Variants in RAPGEF1 observed in about 807,000 individuals in gnomAD.
RAPGEF1 encodes the protein Rap guanine nucleotide exchange factor 1, also known as CRK SH3-binding GNRP.
Under a neutral mutation model 143.3 loss-of-function variants are expected in RAPGEF1, and 33 were observed. The ratio of observed to expected loss-of-function variants is 0.23; its 90% confidence interval spans 0.17 to 0.31. The LOEUF is 0.31. Among genes scored for constraint, RAPGEF1 ranks in the 10% least tolerant of loss-of-function variants. The pLI, the probability that RAPGEF1 is intolerant of heterozygous loss-of-function variation, is 1.00. For missense variants in RAPGEF1, 1,199 were observed against 1,645.4 expected (o/e 0.73, Z 4.69); for synonymous variants, 629 against 676.5 (o/e 0.93, Z 1.09).
intron 1 of RAPGEF1, among the ~76,000 whole-genome samples, chr9:131,726,277 T>C (rs941055173): frequency 2.0e-5 from 3 of 152,172 alleles, no homozygotes; most frequent in African/African-American, 7.2e-5. Flanking sequence ...ACACACTTTA[T>C]GGTTGTACTT....
At chr9:131,693,261 C>G (rs1185414313) in intron 1 of RAPGEF1, among the ~76,000 whole-genome samples, 1 of 152,092 alleles carries the variant, frequency 6.6e-6, no homozygotes, top group African/African-American at 2.4e-5. Flanking sequence ...AAGTTTTGGT[C>G]ACACTGTCTC....
rs1034441983 is a variant in RAPGEF1, at chr9:131,643,501, C to G, written c.316-84G>C. The stretch of plus-strand genomic sequence containing the variant: ...AAAATAAAGGAACATTTTCTTTAAA[C>G]CAGCTTGAGATCGATAGGAATGGAA... On this transcript the variant is annotated intron_variant, in intron 3 of 26. Coordinates refer to ENST00000683357, the MANE Select transcript of RAPGEF1 (RefSeq NM_001377935.1). The G allele has an allele frequency of 1.7e-5, 22 of 1,322,612 alleles. No individual in the cohort carries two copies. The Admixed American group carries it at 2.4e-4, about 15-fold the overall frequency. The allele number at this position is 1,322,612 out of a possible 1,614,324, so 81.9% of individuals were successfully genotyped here. A position where few individuals can be genotyped will look rare whatever the true frequency, so the allele number is the denominator to read the frequency against.
intron 3 of RAPGEF1, among the ~76,000 whole-genome samples, chr9:131,648,556 A>T (rs1197990507): frequency 6.6e-6 from 1 of 152,238 alleles, no homozygotes; most frequent in African/African-American, 2.4e-5. Context: ...GATGACAATT[A>T]CACTCTACTT....
chr9:131,593,382 G>A (rs1219278898), intron 17 of RAPGEF1, among the ~76,000 whole-genome samples: 1 of 152,230 alleles, frequency 6.6e-6, no homozygotes, highest in Non-Finnish European at 1.5e-5. Context: ...GAGCCAACGG[G>A]TGGCCAGACT....
At chr9:131,643,009 A>G (rs1016826414) in intron 4 of RAPGEF1, among the ~76,000 whole-genome samples, 6 of 152,198 alleles carry the variant, frequency 3.9e-5, no homozygotes, top group African/African-American at 1.4e-4. Context: ...CTGTGGCCAC[A>G]TCCCTAGGGA....
chr9:131,604,886 G>A (rs200973525), intron 13 of RAPGEF1, 45 bp downstream of exon 13: 1 of 169,434 alleles, frequency 5.9e-6, no homozygotes, highest in East Asian at 2.6e-4. Flanking sequence ...ATGTGCAGGG[G>A]TGTGTGTGTG....
At chr9:131,737,531 A>C (rs1184879338) in intron 1 of RAPGEF1, 23 of 1,611,320 alleles carry the variant, frequency 1.4e-5, no homozygotes, top group Admixed American at 1.7e-5. Context: ...GGCGGTGCCC[A>C]GAAAAGGCCC....
chr9:131,688,102 T>C (rs896272085), intron 1 of RAPGEF1, among the ~76,000 whole-genome samples: 3 of 152,184 alleles, frequency 2.0e-5, no homozygotes, highest in African/African-American at 7.2e-5. Flanking sequence ...TTTCCAAGGT[T>C]AGTTCGTGCA....
Position 131,739,882 on chromosome 9 carries a change from C to T in RAPGEF1, c.-52G>A. The stretch of plus-strand genomic sequence containing the variant: ...CGACAGGGGCGGCGCGCCCGCCGCT[C>T]GCCTCGGCCCTGGCTCGCCACGCCT... On this transcript the variant is annotated 5_prime_UTR_variant, in exon 1 of 27. Transcript: ENST00000683357. 1 of 965,028 alleles carries T rather than the reference C, an allele frequency of 1.0e-6. No homozygotes were observed. Among genetic ancestry groups the T allele is most frequent in the Non-Finnish European group, 1.2e-6 (1 of 812,742 alleles). 59.8% of individuals were successfully genotyped at this position (965,028 alleles called of 1,614,324 possible).
intron 1 of RAPGEF1, among the ~76,000 whole-genome samples, chr9:131,680,716 C>G (rs1832836881): frequency 6.6e-6 from 1 of 152,206 alleles, no homozygotes; most frequent in African/African-American, 2.4e-5. Flanking sequence ...ATGCTAATGA[C>G]TGGCTTGCTG....
rs750221616 is a variant in RAPGEF1, at chr9:131,582,664, G to A, written c.3453C>T (p.Ser1151=). Residue 1151 remains serine, a synonymous_variant, in exon 25 of 27, where the codon TCC becomes TCT. Coordinates refer to ENST00000683357, the MANE Select transcript of RAPGEF1 (RefSeq NM_001377935.1). ...GGGCGGCCCGGTAGGCTCGGAAGGA[G>A]GACGAGCTGTCGATCAGTGTGCAGT... ...AEYCTLIDSS[S]SFRAYRAALS... is the part of the protein sequence containing the mutation. 1 of 1,544,294 alleles carries A rather than the reference G, an allele frequency of 6.5e-7. No homozygotes were observed. Among genetic ancestry groups the A allele is most frequent in the South Asian group, 1.2e-5 (1 of 80,476 alleles).
At position 131,621,900 on chromosome 9, in the gene RAPGEF1, T is replaced by G; in HGVS notation, c.1801A>C (p.Lys601Gln). 1.2e-6 allele frequency: 2 copies of G among 1,613,738 alleles called. No homozygotes were observed. The highest frequency in any genetic ancestry group is 1.7e-6 in the Non-Finnish European group (2 of 1,179,810). The change falls in exon 11 of 27, where the codon AAG becomes CAG. Residue 601 changes from lysine (K) to glutamine (Q), a missense_variant. This residue lies in a region of RAPGEF1 where 293 missense variants were observed against 356.2 expected (regional missense o/e 0.82). Coordinates refer to ENST00000683357, the MANE Select transcript of RAPGEF1 (RefSeq NM_001377935.1). This position sits in a 1 kb window ranked among gnomAD's most constrained non-coding sequence, Gnocchi z 4.5. Reference sequence around the variant, plus strand: ...AAGCCGTATACCTCCATGAGGAGCTTGTTCTTCTGCTGGTAGATGTGCTCG... The same window carrying G: ...AAGCCGTATACCTCCATGAGGAGCTGGTTCTTCTGCTGGTAGATGTGCTCG... ...QNEHIYQQKNKLLMEVYGFSD... is the reference protein window; with the variant it reads ...QNEHIYQQKNQLLMEVYGFSD...
At position 131,685,429 on chromosome 9, in the gene RAPGEF1, G is replaced by C. The variant is rs375713792; in HGVS notation, c.62-34480C>G. On this transcript the variant is annotated intron_variant, in intron 1 of 26. Transcript: ENST00000683357. Reference sequence around the variant, plus strand: ...ACGCTGGAAGGTTGTGGGTTCACGGGAATGAGGGCAAGGAACACGGGGCCC... The same window carrying C: ...ACGCTGGAAGGTTGTGGGTTCACGGCAATGAGGGCAAGGAACACGGGGCCC... 6.6e-5 allele frequency among the ~76,000 whole-genome samples: 10 copies of C among 152,326 alleles called. No individual in the cohort carries two copies. In the South Asian group the frequency reaches 8.3e-4, roughly 13 times the overall value.
intron 1 of RAPGEF1, among the ~76,000 whole-genome samples, chr9:131,725,700 G>A (rs1353149583): frequency 6.6e-6 from 1 of 150,934 alleles, no homozygotes; most frequent in Non-Finnish European, 1.5e-5. Context: ...TTAGCCATTT[G>A]TATATCTCCT....
intron 1 of RAPGEF1, among the ~76,000 whole-genome samples, chr9:131,671,686 G>A (rs1452571327): frequency 6.6e-6 from 1 of 152,182 alleles, no homozygotes; most frequent in Non-Finnish European, 1.5e-5. Flanking sequence ...CATGAATGGA[G>A]GCCCTGGAAC....
At position 131,629,229 on chromosome 9, in the gene RAPGEF1, G is replaced by A. The variant is rs200860345; in HGVS notation, c.766C>T (p.Arg256Cys). 176 of 1,613,748 alleles carry A rather than the reference G, an allele frequency of 1.1e-4. No individual in the cohort carries two copies. The highest frequency in any genetic ancestry group is 1.3e-4 in the Non-Finnish European group (155 of 1,179,824). The change falls in exon 7 of 27, where the codon CGC becomes TGC. Residue 256 changes from arginine to cysteine, a missense_variant. By Grantham distance (180) the Arg-to-Cys change is radical (BLOSUM62 -3). This residue lies in a region of RAPGEF1 where 613 missense variants were observed against 710.9 expected (regional missense o/e 0.86). Transcript: ENST00000683357. Reference protein sequence around the residue: ...DGPAELPLTDREVEILNKTTG... With the variant: ...DGPAELPLTDCEVEILNKTTG... ...GTCTTGTTTAGGATCTCTACCTCGC[G>A]GTCTGTCAGGGGGAGCTCTGCTGGG...
At chr9:131,651,740 G>A (rs1358593855) in intron 1 of RAPGEF1, among the ~76,000 whole-genome samples, 1 of 152,180 alleles carries the variant, frequency 6.6e-6, no homozygotes, top group Admixed American at 6.5e-5. Context: ...AGAAAATACA[G>A]TCATGTGTTG....
At position 131,675,773 on chromosome 9, in the gene RAPGEF1, G is replaced by A. The variant is rs11792737; in HGVS notation, c.62-24824C>T. On this transcript the variant is annotated intron_variant, in intron 1 of 26. Transcript: ENST00000683357. The surrounding 1 kb of genome is among the most constrained non-coding windows in gnomAD (Gnocchi z 4.6). ...GTAATTTACTGAGCACTTACTATAC[G>A]CCAGCCCTGACAGGCAGACATTAAT... is the stretch of plus-strand genomic sequence containing the variant. Among the ~76,000 whole-genome samples, 11,951 of 152,288 alleles carry A rather than the reference G, an allele frequency of 0.078. 612 individuals carry two copies. The highest frequency in any genetic ancestry group is 0.11 in the Non-Finnish European group (7,731 of 68,010).
intron 1 of RAPGEF1, among the ~76,000 whole-genome samples, chr9:131,681,349 C>T (rs538937770): frequency 6.6e-6 from 1 of 152,132 alleles, no homozygotes; most frequent in Non-Finnish European, 1.5e-5. Flanking sequence ...ATTCAGCAAG[C>T]TAGACGAGGG....
Sources: gnomAD v4.1 joint callset for allele counts (sites outside exome capture counted in the v4.1 genomes callset) on GRCh38, gnomAD v4.1.1 for gene constraint, gnomAD v4.1.1 regional missense constraint, Gnocchi (gnomAD v3.1) non-coding constraint, MANE v1.5 for transcripts, NCBI Gene and HGNC (gene_info 2026-07-23, HGNC 2026-07-21) for gene names.